Variants in NRG1 observed in about 807,000 individuals in gnomAD.
NRG1 encodes pro-neuregulin-1, membrane-bound isoform.
Under a neutral mutation model 63.8 loss-of-function variants are expected in NRG1, and 18 were observed. That is an observed-to-expected ratio of 0.28 (90% confidence interval 0.19 to 0.42). The LOEUF (loss-of-function observed/expected upper bound fraction) is 0.42, where lower values mean the gene tolerates loss of function less well. Ranked by LOEUF, NRG1 falls within the 10% of genes least tolerant of loss-of-function variation. NRG1 has a pLI of 1.00. For synonymous variants in NRG1, 302 were observed against 301.3 expected, an observed-to-expected ratio of 1.00 and a Z score of -0.02; for missense variants, 762 against 814.7, an observed-to-expected ratio of 0.94 and a Z score of 0.79.
At chr8:32,136,598 A>G (rs1835560334) in intron 1 of NRG1, 1 of 152,092 alleles carries the variant, frequency 6.6e-6, no homozygotes, top group Non-Finnish European at 1.5e-5. Context: ...CAAGCATGGT[A>G]CAGGTAGATG....
In NRG1 at chr8:31,895,952, A is replaced by T. The variant is rs369294672; in HGVS notation, c.37+256521A>T. Among the ~76,000 whole-genome samples the T allele has an allele frequency of 1.1e-4, 16 of 152,352 alleles. 1 individual carries two copies. Among genetic ancestry groups the T allele is most frequent in the African/African-American group, 3.6e-4 (15 of 41,592 alleles). ...TATATTAACAAGAGTATCTTGCAGT[A>T]TATATATGCTTTAAAGTTCACAGTG... On this transcript the variant is annotated intron_variant, in intron 1 of 10. Transcript: ENST00000519301.
At chr8:31,902,981 A>G (rs1264140901) in intron 1 of NRG1, among the ~76,000 whole-genome samples, 2 of 152,040 alleles carry the variant, frequency 1.3e-5, no homozygotes, top group African/African-American at 4.8e-5. Context: ...ATGATGTTAG[A>G]CCTTGGAACA....
At chr8:31,720,174 C>T (rs942128899) in intron 1 of NRG1, among the ~76,000 whole-genome samples, 5 of 152,052 alleles carry the variant, frequency 3.3e-5, no homozygotes, top group Non-Finnish European at 5.9e-5. Flanking sequence ...TTAATTATCT[C>T]CCCATATTAG....
At chr8:31,770,794 T>TAC (rs1161036149) in intron 1 of NRG1, among the ~76,000 whole-genome samples, 62 of 129,108 alleles carry the variant, frequency 4.8e-4, no homozygotes, top group African/African-American at 1.7e-3. Context: ...TATATATATA[T>TAC]ATACATATAT....
intron 1 of NRG1, among the ~76,000 whole-genome samples, chr8:32,195,306 G>A (rs908529517): frequency 1.3e-5 from 2 of 152,022 alleles, no homozygotes; most frequent in South Asian, 4.1e-4. Flanking sequence ...TTGTTGTAGT[G>A]TACACACCTA....
chr8:31,752,397 C>A (rs1190998885), intron 1 of NRG1, among the ~76,000 whole-genome samples: 1 of 151,944 alleles, frequency 6.6e-6, no homozygotes, highest in Non-Finnish European at 1.5e-5. Flanking sequence ...GGGATATGAC[C>A]TGCTTTACAT....
At chr8:31,982,545 A>G (rs1809319511) in intron 1 of NRG1, among the ~76,000 whole-genome samples, 1 of 152,024 alleles carries the variant, frequency 6.6e-6, no homozygotes. Flanking sequence ...GCACATTTAG[A>G]ATTAAGAGGG....
At chr8:32,604,129 G>A (rs958574412) in intron 2 of NRG1, among the ~76,000 whole-genome samples, 1 of 152,238 alleles carries the variant, frequency 6.6e-6, no homozygotes, top group African/African-American at 2.4e-5. Flanking sequence ...ATTTAGACAC[G>A]TGAGAGCAGC....
chr8:32,156,873 G>C (rs6990772), intron 1 of NRG1, among the ~76,000 whole-genome samples: 5 of 152,048 alleles, frequency 3.3e-5, no homozygotes, highest in African/African-American at 9.7e-5. Context: ...GAGGCTGAAG[G>C]CTTCAGTGAG....
At chr8:32,362,019 G>C (rs957111537) in intron 1 of NRG1, among the ~76,000 whole-genome samples, 19 of 152,054 alleles carry the variant, frequency 1.2e-4, no homozygotes, top group African/African-American at 4.6e-4. Flanking sequence ...TCACTTTTGT[G>C]GGGATAACTA....
chr8:31,767,646 C>A (rs1201228162), intron 1 of NRG1, among the ~76,000 whole-genome samples: 1 of 152,030 alleles, frequency 6.6e-6, no homozygotes, highest in African/African-American at 2.4e-5. Context: ...TCCAGACCAG[C>A]TTTCCCAACA....
chr8:32,399,663 C>T (rs1214136182), intron 1 of NRG1, among the ~76,000 whole-genome samples: 1 of 152,166 alleles, frequency 6.6e-6, no homozygotes, highest in African/African-American at 2.4e-5. Context: ...GAGATTGCTC[C>T]ACTGCACTCC....
intron 1 of NRG1, among the ~76,000 whole-genome samples, chr8:32,556,723 G>A (rs1835238646): frequency 6.6e-6 from 1 of 152,140 alleles, no homozygotes; most frequent in Non-Finnish European, 1.5e-5. Flanking sequence ...TATAAATAAA[G>A]TTCAAATTTC....
intron 5 of NRG1, among the ~76,000 whole-genome samples, chr8:32,718,640 T>A (rs1456982559): frequency 6.6e-6 from 1 of 152,160 alleles, no homozygotes; most frequent in African/African-American, 2.4e-5. Flanking sequence ...TCCTTATTTA[T>A]AATCCATGTC....
intron 1 of NRG1, among the ~76,000 whole-genome samples, chr8:32,196,271 C>G (rs1842943382): frequency 1.3e-5 from 2 of 151,976 alleles, no homozygotes; most frequent in Non-Finnish European, 2.9e-5. Flanking sequence ...GATCCCTGGT[C>G]TGGGGAGGTC....
At chr8:31,811,594 C>A (rs1449665085) in intron 1 of NRG1, among the ~76,000 whole-genome samples, 1 of 152,042 alleles carries the variant, frequency 6.6e-6, no homozygotes, top group Non-Finnish European at 1.5e-5. Context: ...GTTGTTGTTG[C>A]TTAACAAATG....
At chr8:32,048,410 AAT>A (rs1184691118) in intron 1 of NRG1, among the ~76,000 whole-genome samples, 3 of 144,352 alleles carry the variant, frequency 2.1e-5, no homozygotes, top group Admixed American at 7.0e-5. Flanking sequence ...CATGAATATG[AAT>A]ATATGTACAT....
At position 32,733,566 on chromosome 8, in the gene NRG1, A is replaced by T. The variant is rs544622370; in HGVS notation, c.632+5488A>T. ...TGGCAATGACCTTGAGCAGTAGGGTATTAAAATCTTCCACAGGCTTAGCGT... is the reference window on the plus strand; with the variant it reads ...TGGCAATGACCTTGAGCAGTAGGGTTTTAAAATCTTCCACAGGCTTAGCGT... On this transcript the variant is annotated intron_variant, in intron 6 of 11. Transcript: ENST00000356819. 1.9e-4 allele frequency among the ~76,000 whole-genome samples: 29 copies of T among 152,314 alleles called. No individual in the cohort carries two copies. In the East Asian group the frequency reaches 2.9e-3, roughly 15 times the overall value.
intron 1 of NRG1, among the ~76,000 whole-genome samples, chr8:31,779,005 G>A (rs1238298033): frequency 6.6e-6 from 1 of 152,218 alleles, no homozygotes; most frequent in East Asian, 1.9e-4. Context: ...GCTCAGGAAC[G>A]ACAGCACCTG....
Sources: allele counts gnomAD v4.1 joint callset (sites outside exome capture counted in the v4.1 genomes callset), GRCh38; gene constraint gnomAD v4.1.1; transcripts MANE v1.5; gene names NCBI Gene and HGNC (gene_info 2026-07-23, HGNC 2026-07-21).